The following CADPS2 variants were observed in gnomAD, a reference collection of about 807,000 sequenced individuals.
CADPS2 encodes calcium-dependent secretion activator 2.
In CADPS2, 93 loss-of-function variants were observed where a neutral mutation model predicts 172.5. That is an observed-to-expected ratio of 0.54 (90% confidence interval 0.46 to 0.64). The LOEUF (loss-of-function observed/expected upper bound fraction) is 0.64, where lower values mean the gene tolerates loss of function less well. Ranked by LOEUF, CADPS2 falls within the 30% of genes least tolerant of loss-of-function variation. The probability of loss-of-function intolerance (pLI) is 0.00; values close to 1 mark genes in which losing one functional copy is unlikely to be tolerated. For synonymous variants in CADPS2, 546 were observed against 555.2 expected (o/e 0.98, Z 0.23); for missense variants, 1,420 against 1,565.9 (o/e 0.91, Z 1.57).
chr7:122,491,044 T>A (rs752798487), intron 10 of CADPS2, among the ~76,000 whole-genome samples: 5 of 152,210 alleles, frequency 3.3e-5, no homozygotes, highest in Non-Finnish European at 7.3e-5. Context: ...CTGAAAACAT[T>A]GTAATATCTC....
chr7:122,846,332 C>T (rs973442244), intron 1 of CADPS2, among the ~76,000 whole-genome samples: 2 of 152,076 alleles, frequency 1.3e-5, no homozygotes, highest in African/African-American at 4.8e-5. Flanking sequence ...AGGTATAAAT[C>T]TCTGATATAA....
intron 2 of CADPS2, chr7:122,676,621 A>G: frequency 7.5e-7 from 1 of 1,330,992 alleles, no homozygotes; most frequent in Non-Finnish European, 1.1e-6. Context: ...GCTTCCCATG[A>G]TGACTGATCA....
chr7:122,847,980 A>G (rs1321009224), intron 1 of CADPS2, among the ~76,000 whole-genome samples: 1 of 152,210 alleles, frequency 6.6e-6, no homozygotes, highest in African/African-American at 2.4e-5. Flanking sequence ...AAAGAAAACT[A>G]ATCTTCTAGA....
At chr7:122,689,945 A>G (rs371059134) in intron 2 of CADPS2, among the ~76,000 whole-genome samples, 69 of 152,210 alleles carry the variant, frequency 4.5e-4, no homozygotes, top group African/African-American at 1.6e-3. Flanking sequence ...GACGCCTCCT[A>G]TTCAAAGCTT....
chr7:122,445,813 A>C (rs6979694), intron 15 of CADPS2, among the ~76,000 whole-genome samples: 9,109 of 152,172 alleles, frequency 0.06, 672 homozygotes, highest in African/African-American at 0.17. Context: ...CAGAGTAAGA[A>C]CCTGTCTCAA....
At chr7:122,531,934 G>A (rs1313799468) in intron 8 of CADPS2, among the ~76,000 whole-genome samples, 6 of 151,918 alleles carry the variant, frequency 3.9e-5, no homozygotes, top group African/African-American at 1.2e-4. Flanking sequence ...AGGAGGTTGA[G>A]GCAGGAGAAT....
At chr7:122,807,810 C>T (rs1296548333) in intron 1 of CADPS2, among the ~76,000 whole-genome samples, 1 of 152,086 alleles carries the variant, frequency 6.6e-6, no homozygotes, top group Non-Finnish European at 1.5e-5. Context: ...TCCCAAGTTT[C>T]CTTTTCTTAG....
chr7:122,645,253 A>G (rs1171892327), intron 3 of CADPS2, among the ~76,000 whole-genome samples: 1 of 133,400 alleles, frequency 7.5e-6, no homozygotes, highest in Non-Finnish European at 1.6e-5. Flanking sequence ...ACACATGTAC[A>G]TGTGTGTATA....
At chr7:122,435,131 A>C (rs1459496777) in intron 17 of CADPS2, among the ~76,000 whole-genome samples, 1 of 152,228 alleles carries the variant, frequency 6.6e-6, no homozygotes. Context: ...ATGATCTAAT[A>C]GAAGCCCTGA....
Position 122,318,952 on chromosome 7 carries a change from T to G in CADPS2, c.*1213A>C, listed in dbSNP as rs2031834789. ...CTTATTAATAAATGCAGTAGCACAA[T>G]CTGCCAATATGTTTTGGGAAATATC... On this transcript the variant is annotated 3_prime_UTR_variant, in exon 30 of 30. Transcript: ENST00000449022. The G allele has an allele frequency of 6.6e-6, 1 of 152,186 alleles. No individual in the cohort carries two copies. The highest frequency in any genetic ancestry group is 2.4e-5 in the African/African-American group (1 of 41,436). The allele number at this position is 152,186 out of a possible 1,614,324, so 9.4% of individuals were successfully genotyped here.
intron 1 of CADPS2, among the ~76,000 whole-genome samples, chr7:122,746,213 G>A (rs541733626): frequency 3.9e-5 from 6 of 152,112 alleles, no homozygotes; most frequent in Non-Finnish European, 7.4e-5. Flanking sequence ...ATGGATGCCC[G>A]TGAATAATTA....
intron 1 of CADPS2, among the ~76,000 whole-genome samples, chr7:122,842,149 T>C (rs940184262): frequency 6.6e-6 from 1 of 152,188 alleles, no homozygotes; most frequent in African/African-American, 2.4e-5. Flanking sequence ...CACGGCCCAC[T>C]TCAGATGCCC....
chr7:122,334,242 T>G (rs572716030), intron 28 of CADPS2, among the ~76,000 whole-genome samples: 1 of 152,140 alleles, frequency 6.6e-6, no homozygotes, highest in South Asian at 2.1e-4. Context: ...ATGCTAACAC[T>G]ATGAGTTCAG....
In CADPS2 at chr7:122,394,723, G is replaced by A. The variant is rs140337913; in HGVS notation, c.2747-1141C>T. On this transcript the variant is annotated intron_variant, in intron 20 of 29. Coordinates refer to ENST00000449022, the MANE Select transcript of CADPS2 (RefSeq NM_017954.11). ...GAGGGGGAGGGGCAGCCCATGGCAG[G>A]GTCTAGATCCTAGGACTGAGTAAGG... Among the ~76,000 whole-genome samples the A allele has an allele frequency of 2.6e-5, 4 of 152,190 alleles. No homozygotes were observed. In the East Asian group the frequency reaches 7.8e-4, roughly 30 times the overall value.
intron 6 of CADPS2, among the ~76,000 whole-genome samples, chr7:122,583,418 T>A (rs1168962668): frequency 6.6e-6 from 1 of 151,830 alleles, no homozygotes; most frequent in East Asian, 1.9e-4. Flanking sequence ...GTACCTAGCA[T>A]CCTGAATTTT....
chr7:122,732,714 T>A, intron 2 of CADPS2, among the ~76,000 whole-genome samples: 1 of 144,426 alleles, frequency 6.9e-6, no homozygotes, highest in South Asian at 2.1e-4. Flanking sequence ...TTATATATAA[T>A]TATATATTAC....
chr7:122,421,143 C>A (rs1054612697), intron 17 of CADPS2: 1 of 152,000 alleles, frequency 6.6e-6, no homozygotes, highest in African/African-American at 2.4e-5. Flanking sequence ...CCTTTTTATC[C>A]GTATATGATA....
intron 3 of CADPS2, among the ~76,000 whole-genome samples, chr7:122,636,134 G>C (rs1380602935): frequency 2.0e-5 from 3 of 152,084 alleles, no homozygotes; most frequent in Admixed American, 1.3e-4. Flanking sequence ...TTTTGATCCT[G>C]TTATTTCGTT....
chr7:122,851,627 G>T (rs1239703200), intron 1 of CADPS2, among the ~76,000 whole-genome samples: 1 of 152,140 alleles, frequency 6.6e-6, no homozygotes, highest in Non-Finnish European at 1.5e-5. Flanking sequence ...GTTCCATGTG[G>T]CTGGGGAGGC....
Sources: gnomAD v4.1 joint callset for allele counts (sites outside exome capture counted in the v4.1 genomes callset) on GRCh38, gnomAD v4.1.1 for gene constraint, MANE v1.5 for transcripts, NCBI Gene and HGNC (gene_info 2026-07-23, HGNC 2026-07-21) for gene names.